EPB41L4A: variants seen among roughly 807,000 people sequenced by gnomAD.
The protein encoded by EPB41L4A is erythrocyte membrane protein band 4.1 like 4A.
In EPB41L4A, 100 loss-of-function variants were observed where a neutral mutation model predicts 108.6. The observed-to-expected ratio is 0.92, with a 90% CI of 0.78 to 1.09. The LOEUF (loss-of-function observed/expected upper bound fraction) is 1.09. EPB41L4A is among the 50% of genes least tolerant of loss of function. The pLI, the probability that EPB41L4A is intolerant of heterozygous loss-of-function variation, is 0.00. For missense variants in EPB41L4A, 1,030 were observed against 842.7 expected (o/e 1.22, Z -2.75); for synonymous variants, 319 against 289.0 (o/e 1.10, Z -1.05).
chr5:112,291,594 G>T (rs1753647822), intron 2 of EPB41L4A, among the ~76,000 whole-genome samples: 1 of 152,132 alleles, frequency 6.6e-6, no homozygotes, highest in African/African-American at 2.4e-5. Flanking sequence ...CTGACTGTGG[G>T]TCTTAAGACC....
chr5:112,197,282 A>C (rs1762010375), intron 15 of EPB41L4A, among the ~76,000 whole-genome samples: 2 of 152,124 alleles, frequency 1.3e-5, no homozygotes, highest in South Asian at 4.1e-4. Context: ...AGTGGTGTCT[A>C]TGCCCCATGC....
intron 2 of EPB41L4A, among the ~76,000 whole-genome samples, chr5:112,296,990 T>TACACAC (rs10542487): frequency 2.5e-4 from 37 of 148,884 alleles, no homozygotes; most frequent in African/African-American, 6.4e-4. Context: ...TATACATACA[T>TACACAC]ACACACACAC....
intron 1 of EPB41L4A, among the ~76,000 whole-genome samples, chr5:112,343,021 G>T (rs925558778): frequency 2.0e-5 from 3 of 152,114 alleles, no homozygotes; most frequent in Non-Finnish European, 4.4e-5. Context: ...GAATGTGGCC[G>T]ATAGAAATAG....
chr5:112,293,381 A>G (rs1753783071), intron 2 of EPB41L4A, among the ~76,000 whole-genome samples: 1 of 106,910 alleles, frequency 9.4e-6, no homozygotes, highest in South Asian at 2.5e-4. Context: ...ATTTAGTTTA[A>G]TTTAGTTTTG....
chr5:112,349,092 A>C (rs574634558), intron 1 of EPB41L4A, among the ~76,000 whole-genome samples: 57 of 152,326 alleles, frequency 3.7e-4, no homozygotes, highest in Non-Finnish European at 4.7e-4. Context: ...GCAGAGGACA[A>C]ATCTGGCATC....
chr5:112,405,013 G>A (rs904611708), intron 1 of EPB41L4A, among the ~76,000 whole-genome samples: 6 of 152,156 alleles, frequency 3.9e-5, no homozygotes, highest in African/African-American at 1.4e-4. Context: ...CTTCCAGATG[G>A]CTTCAAGGGA....
chr5:112,159,558 C>T (rs192143893), downstream of EPB41L4A, among the ~76,000 whole-genome samples: 3 of 152,214 alleles, frequency 2.0e-5, no homozygotes, highest in African/African-American at 7.2e-5. Context: ...AAGTGCCTTG[C>T]TCCTGCCTGG....
intron 22 of EPB41L4A, among the ~76,000 whole-genome samples, chr5:112,166,903 A>G (rs1365242515): frequency 6.6e-6 from 1 of 152,230 alleles, no homozygotes; most frequent in Admixed American, 6.5e-5. Context: ...CCAGTGCTCA[A>G]CACTCCTTAG....
rs1759983768 is a variant in EPB41L4A, at chr5:112,162,717, G to A, written c.*2273C>T. 6.6e-6 allele frequency: 1 copy of A among 152,214 alleles called. No individual in the cohort carries two copies. Among genetic ancestry groups the A allele is most frequent in the African/African-American group, 2.4e-5 (1 of 41,432 alleles). The allele number at this position is 152,214 out of a possible 1,614,324, so 9.4% of individuals were successfully genotyped here. A position where few individuals can be genotyped will look rare whatever the true frequency, so the allele number is the denominator to read the frequency against. ...TTCTTCCCTTTGGAAACATAGATAA[G>A]TGGAGGGAATGTCATCACAAATGTA... On this transcript the variant is annotated 3_prime_UTR_variant, in exon 23 of 23. Coordinates refer to ENST00000261486, the MANE Select transcript of EPB41L4A (RefSeq NM_022140.5).
chr5:112,266,168 C>G (rs1751839609), intron 5 of EPB41L4A, 65 bp downstream of exon 5: 2 of 1,167,252 alleles, frequency 1.7e-6, no homozygotes, highest in African/African-American at 3.1e-5. Context: ...ATGTAAACTC[C>G]CTTTTAAAAA....
chr5:112,331,748 T>A (rs1756585103), intron 1 of EPB41L4A, among the ~76,000 whole-genome samples: 1 of 152,180 alleles, frequency 6.6e-6, no homozygotes, highest in African/African-American at 2.4e-5. Flanking sequence ...GCAAGGGCCC[T>A]CGGCCCCCAG....
chr5:112,231,508 G>A lies in EPB41L4A; in HGVS notation c.1087+3126C>T, dbSNP rs1006102886. Among the ~76,000 whole-genome samples, 12 of 152,186 alleles carry A rather than the reference G, an allele frequency of 7.9e-5. No individual in the cohort carries two copies. The South Asian group carries it at 1.0e-3, about 13-fold the overall frequency. ...ACATTTTAAAAAGATCCACCTGGCCGGGCGCGGTGGCTCACGCCTGTAATC... is the reference window on the plus strand; with the variant it reads ...ACATTTTAAAAAGATCCACCTGGCCAGGCGCGGTGGCTCACGCCTGTAATC... On this transcript the variant is annotated intron_variant, in intron 12 of 22. Coordinates refer to ENST00000261486, the MANE Select transcript of EPB41L4A (RefSeq NM_022140.5).
chr5:112,234,856 A>T, intron 11 of EPB41L4A, 101 bp from the exon 12 acceptor site: 1 of 1,271,610 alleles, frequency 7.9e-7, no homozygotes, highest in South Asian at 1.7e-5. Context: ...AGAGAAGAAA[A>T]AACACACAGA....
At chr5:112,412,583 T>C (rs2112819794) in intron 1 of EPB41L4A, among the ~76,000 whole-genome samples, 1 of 152,364 alleles carries the variant, frequency 6.6e-6, no homozygotes, top group South Asian at 2.1e-4. Flanking sequence ...TTTAGCACAC[T>C]GAGTCTATGC....
downstream of EPB41L4A, chr5:112,158,312 A>G (rs1396759347): frequency 1.0e-5 from 2 of 192,748 alleles, no homozygotes; most frequent in Admixed American, 5.7e-5. Context: ...ATTAGATGTC[A>G]TTATGTACCA....
chr5:112,399,249 T>C (rs1761576809), intron 1 of EPB41L4A, among the ~76,000 whole-genome samples: 1 of 152,144 alleles, frequency 6.6e-6, no homozygotes, highest in Non-Finnish European at 1.5e-5. Flanking sequence ...CCCTCTGCCT[T>C]GAACTTCTGC....
At chr5:112,390,432 C>G (rs1003572256) in intron 1 of EPB41L4A, among the ~76,000 whole-genome samples, 3 of 152,142 alleles carry the variant, frequency 2.0e-5, no homozygotes, top group Non-Finnish European at 2.9e-5. Context: ...ACCCACGGAG[C>G]CTTGCTCACT....
At chr5:112,171,220 C>T (rs937083866) in intron 18 of EPB41L4A, among the ~76,000 whole-genome samples, 4 of 152,190 alleles carry the variant, frequency 2.6e-5, no homozygotes, top group Non-Finnish European at 4.4e-5. Context: ...ATAACCAGAG[C>T]TTCATTTAAT....
intron 11 of EPB41L4A, among the ~76,000 whole-genome samples, chr5:112,236,903 A>T (rs982325510): frequency 2.6e-5 from 4 of 152,230 alleles, no homozygotes; most frequent in Non-Finnish European, 5.9e-5. Flanking sequence ...AAAGCTGCAC[A>T]TGTGAAAGCA....
Sources: gnomAD v4.1 joint callset for allele counts (sites outside exome capture counted in the v4.1 genomes callset) on GRCh38, gnomAD v4.1.1 for gene constraint, MANE v1.5 for transcripts, NCBI Gene and HGNC (gene_info 2026-07-23, HGNC 2026-07-21) for gene names.